Variants in CSMD1 observed in about 807,000 individuals in gnomAD.
CSMD1 encodes CUB and sushi domain-containing protein 1.
Under a neutral mutation model 417.5 loss-of-function variants are expected in CSMD1, and 213 were observed. The ratio of observed to expected loss-of-function variants is 0.51; its 90% CI spans 0.46 to 0.57. The LOEUF (loss-of-function observed/expected upper bound fraction) is 0.57, where lower values mean the gene tolerates loss of function less well. Ranked by LOEUF, CSMD1 falls within the 20% of genes least tolerant of loss-of-function variation. The probability of loss-of-function intolerance (pLI) is 0.00; values close to 1 mark genes in which losing one functional copy is unlikely to be tolerated. For missense variants in CSMD1, 6,923 were observed against 4,529.7 expected (o/e 1.53, Z -15.17); for synonymous variants, 2,862 against 1,736.8 (o/e 1.65, Z -16.11).
intron 12 of CSMD1, among the ~76,000 whole-genome samples, chr8:3,429,160 T>C (rs974501534): frequency 1.8e-4 from 27 of 152,158 alleles, no homozygotes; most frequent in African/African-American, 6.3e-4. Context: ...CATGGTATAT[T>C]TCAAAATAGC....
At chr8:3,879,265 G>A (rs1295337094) in intron 5 of CSMD1, among the ~76,000 whole-genome samples, 1 of 152,068 alleles carries the variant, frequency 6.6e-6, no homozygotes, top group African/African-American at 2.4e-5. Context: ...ATTACATACT[G>A]TTCATCAATA....
intron 7 of CSMD1, among the ~76,000 whole-genome samples, chr8:3,655,407 T>C (rs1563239450): frequency 6.6e-6 from 1 of 152,368 alleles, no homozygotes; most frequent in African/African-American, 2.4e-5. Flanking sequence ...ACAGTAACTC[T>C]TTTAAGATAA....
rs1554499187 is a variant in CSMD1 at position 4,841,930 on chromosome 8, A to AAAAAACAAAAC, written c.85+152401_85+152402insGTTTTGTTTTT. Among the ~76,000 whole-genome samples the AAAAAACAAAAC allele has an allele frequency of 8.5e-4, 104 of 122,478 alleles. 1 individual carries two copies. The East Asian group carries it at 0.019, about 22-fold the overall frequency. The allele number at this position is 122,478 out of a possible 152,430, so 80.4% of individuals were successfully genotyped here. ...CCGTCTCAAAAAAAAAAAAAAAAAA[A>AAAAAACAAAAC]AAAAAAAAGTTCAGAACAATGGATA... is the stretch of plus-strand genomic sequence containing the variant. On this transcript the variant is annotated intron_variant, in intron 1 of 69. Coordinates refer to ENST00000635120, the MANE Select transcript of CSMD1 (RefSeq NM_033225.6).
At chr8:3,656,992 G>C (rs952660634) in intron 7 of CSMD1, among the ~76,000 whole-genome samples, 8 of 152,052 alleles carry the variant, frequency 5.3e-5, no homozygotes, top group African/African-American at 9.7e-5. Context: ...TTAGGACATG[G>C]GGATGTGACC....
In CSMD1 at chr8:3,708,910, G is replaced by C. The variant is rs1801334164; in HGVS notation, c.932-419C>G. 1.3e-5 allele frequency among the ~76,000 whole-genome samples: 2 copies of C among 152,124 alleles called. 1 individual carries two copies. Among genetic ancestry groups the C allele is most frequent in the South Asian group, 4.1e-4 (2 of 4,828 alleles). On this transcript the variant is annotated intron_variant, in intron 6 of 69. Coordinates refer to ENST00000635120, the MANE Select transcript of CSMD1 (RefSeq NM_033225.6). ...AAAAGTTTAGATAAAAAGGCCAGTTGCTCATTCATGTATTCATATATTCAT... is the reference window on the plus strand; with the variant it reads ...AAAAGTTTAGATAAAAAGGCCAGTTCCTCATTCATGTATTCATATATTCAT...
At position 3,196,764 on chromosome 8, in the gene CSMD1, C is replaced by A. The variant is rs150344540; in HGVS notation, c.5194+2950G>T. ...GGTAATGCAGGTCACTCATCTCAGT[C>A]TCCATACTGCTCCTTCCATCACTGG... On this transcript the variant is annotated intron_variant, in intron 33 of 69. Coordinates refer to ENST00000635120, the MANE Select transcript of CSMD1 (RefSeq NM_033225.6). Among the ~76,000 whole-genome samples the A allele has an allele frequency of 3.4e-4, 52 of 152,280 alleles. 1 individual carries two copies. In the East Asian group the frequency reaches 6.4e-3, roughly 19 times the overall value.
At chr8:4,888,952 C>G (rs941122579) in intron 1 of CSMD1, among the ~76,000 whole-genome samples, 1 of 151,988 alleles carries the variant, frequency 6.6e-6, no homozygotes, top group Non-Finnish European at 1.5e-5. Context: ...AAAATCTTTA[C>G]TTACAATATA....
chr8:2,937,454 A>AAAC lies in CSMD1; in HGVS notation c.*1130_*1131insGTT, dbSNP rs369524866. On this transcript the variant is annotated 3_prime_UTR_variant, in exon 70 of 70. Coordinates refer to ENST00000635120, the MANE Select transcript of CSMD1 (RefSeq NM_033225.6). Reference sequence around the variant, plus strand: ...GTAAAAGACAAAAAAAAAAAAAAACAAAAAAAAAACACTGCAAAAGGGAAG... The same window carrying AAAC: ...GTAAAAGACAAAAAAAAAAAAAAACAAACAAAAAAAAACACTGCAAAAGGGAAG... 7.2e-5 allele frequency: 5 copies of AAAC among 69,742 alleles called. No homozygotes were observed. Among genetic ancestry groups the AAAC allele is most frequent in the African/African-American group, 1.7e-4 (3 of 17,844 alleles). 4.3% of individuals were successfully genotyped at this position (69,742 alleles called of 1,614,324 possible).
chr8:3,895,188 T>G (rs111958687), intron 5 of CSMD1, among the ~76,000 whole-genome samples: 10 of 152,342 alleles, frequency 6.6e-5, no homozygotes, highest in African/African-American at 2.4e-4. Flanking sequence ...CAAAGTTTCC[T>G]GTTACTAAGA....
chr8:3,081,266 G>A (rs1191668889), intron 49 of CSMD1, among the ~76,000 whole-genome samples: 2 of 152,134 alleles, frequency 1.3e-5, no homozygotes, highest in South Asian at 2.1e-4. Context: ...TTGTAAAGGA[G>A]AAGAACGAAT....
intron 10 of CSMD1, among the ~76,000 whole-genome samples, chr8:3,544,894 T>C (rs1798595396): frequency 6.6e-6 from 1 of 152,240 alleles, no homozygotes; most frequent in Non-Finnish European, 1.5e-5. Flanking sequence ...GTTATTTCTA[T>C]GAATTAATAC....
chr8:4,018,262 A>G (rs1796617773), intron 4 of CSMD1, among the ~76,000 whole-genome samples: 2 of 152,178 alleles, frequency 1.3e-5, no homozygotes, highest in African/African-American at 2.4e-5. Flanking sequence ...ATTTGGTATT[A>G]TGGTGTTTGA....
chr8:3,609,811 C>CTTTTTTTTTTTT (rs71534362), intron 8 of CSMD1, among the ~76,000 whole-genome samples: 2 of 75,262 alleles, frequency 2.7e-5, no homozygotes, highest in Non-Finnish European at 4.7e-5. Flanking sequence ...AGTATCTTCC[C>CTTTTTTTTTTTT]TTTTTTTTTT....
intron 1 of CSMD1, among the ~76,000 whole-genome samples, chr8:4,845,940 G>C (rs534628438): frequency 6.6e-6 from 1 of 152,286 alleles, no homozygotes; most frequent in Non-Finnish European, 1.5e-5. Flanking sequence ...TGCCTATTTT[G>C]CATACACTTA....
intron 3 of CSMD1, among the ~76,000 whole-genome samples, chr8:4,153,583 G>C (rs146783042): frequency 5.9e-5 from 9 of 152,178 alleles, no homozygotes; most frequent in African/African-American, 2.2e-4. Flanking sequence ...GCTGCATTCC[G>C]TCACAGGGTG....
Position 4,905,216 on chromosome 8 carries a change from C to G in CSMD1, c.85+89116G>C, listed in dbSNP as rs115818732. On this transcript the variant is annotated intron_variant, in intron 1 of 69. Coordinates refer to ENST00000635120, the MANE Select transcript of CSMD1 (RefSeq NM_033225.6). The stretch of plus-strand genomic sequence containing the variant: ...TATTTGATATCTCATCTGTGATTTT[C>G]ATACAGGCATTATCTCTCCTCCAAG... Among the ~76,000 whole-genome samples the G allele has an allele frequency of 6.7e-3, 1,025 of 152,218 alleles. 14 individuals carry two copies. Among genetic ancestry groups the G allele is most frequent in the African/African-American group, 0.023 (975 of 41,536 alleles).
chr8:4,084,573 C>A (rs371547802), intron 3 of CSMD1, among the ~76,000 whole-genome samples: 2 of 152,230 alleles, frequency 1.3e-5, no homozygotes, highest in East Asian at 3.9e-4. Flanking sequence ...GAACTCGATT[C>A]CTTAATCAAC....
chr8:2,982,915 G>C (rs1008818303), intron 54 of CSMD1, among the ~76,000 whole-genome samples: 4 of 152,244 alleles, frequency 2.6e-5, no homozygotes, highest in East Asian at 1.9e-4. Context: ...TTGGCTCTAA[G>C]CTGAAGGGCA....
intron 2 of CSMD1, among the ~76,000 whole-genome samples, chr8:4,465,271 C>T (rs1800097212): frequency 6.6e-6 from 1 of 152,042 alleles, no homozygotes; most frequent in East Asian, 1.9e-4. Flanking sequence ...TTTCCAGTGC[C>T]TGTGACCCAG....
Sources: allele counts gnomAD v4.1 joint callset (sites outside exome capture counted in the v4.1 genomes callset), GRCh38; gene constraint gnomAD v4.1.1; transcripts MANE v1.5; gene names NCBI Gene and HGNC (gene_info 2026-07-23, HGNC 2026-07-21).